TIMM13: variants seen among roughly 807,000 people sequenced by gnomAD.
The protein encoded by TIMM13 is translocase of inner mitochondrial membrane 13.
TIMM13 carries 8 observed loss-of-function variants against 10.9 expected under a neutral mutation model. That is an observed-to-expected ratio of 0.73 (90% confidence interval 0.43 to 1.32). TIMM13 has a LOEUF of 1.32. Among genes scored for constraint, TIMM13 ranks in the 40% most tolerant of loss-of-function variants. The pLI is 0.01. For synonymous variants in TIMM13, 68 were observed against 52.5 expected (o/e 1.30, Z -1.28); for missense variants, 147 against 132.8 (o/e 1.11, Z -0.53).
chr19:2,426,107 G>T lies in TIMM13; in HGVS notation c.*841C>A. 2.6e-6 allele frequency: 4 copies of T among 1,529,364 alleles called. No individual in the cohort carries two copies. The highest frequency in any genetic ancestry group is 3.5e-6 in the Non-Finnish European group (4 of 1,144,042). The allele number at this position is 1,529,364 out of a possible 1,614,324, so 94.7% of individuals were successfully genotyped here. On this transcript the variant is annotated 3_prime_UTR_variant, in exon 3 of 3. Coordinates refer to ENST00000215570, the MANE Select transcript of TIMM13 (RefSeq NM_012458.4). ...GGAGTGACCACCACGTGACTGCCCA[G>T]GCCGAGACTCTACGTGAAAGCAACA...
Position 2,426,444 on chromosome 19 carries a change from C to T in TIMM13, c.*504G>A, listed in dbSNP as rs1971636905. ...CTCGTGACTCAGCAGCCCGGTGGCA[C>T]TAAGGGGAAAGATGGACTTCTCCCA... On this transcript the variant is annotated 3_prime_UTR_variant, in exon 3 of 3. Coordinates refer to ENST00000215570, the MANE Select transcript of TIMM13 (RefSeq NM_012458.4). 3.4e-6 allele frequency: 1 copy of T among 297,874 alleles called. No homozygotes were observed. The highest frequency in any genetic ancestry group is 6.3e-6 in the Non-Finnish European group (1 of 158,616). 18.5% of individuals were successfully genotyped at this position (297,874 alleles called of 1,614,324 possible). A position where few individuals can be genotyped will look rare whatever the true frequency, so the allele number is the denominator to read the frequency against.
rs1479475249 is a variant in TIMM13 at position 2,426,594 on chromosome 19, C to T, written c.*354G>A. 2.8e-5 allele frequency: 11 copies of T among 386,432 alleles called. No homozygotes were observed. Among genetic ancestry groups the T allele is most frequent in the Admixed American group, 2.5e-4 (6 of 23,818 alleles). The allele number at this position is 386,432 out of a possible 1,614,324, so 23.9% of individuals were successfully genotyped here. ...TCCTCCACCAATTTATTTGCCCATC[C>T]GCAGGAGGTGACAGCTCCTGTGGTG... On this transcript the variant is annotated 3_prime_UTR_variant, in exon 3 of 3. Transcript: ENST00000215570.
rs1971606231 is a variant in TIMM13, at chr19:2,425,700, G to T, written c.*1248C>A. ...CCACCGCATCCCATCCCCGGGCCTC[G>T]GCGGCAGAGCAGGCAGAGGCTGCAG... On this transcript the variant is annotated 3_prime_UTR_variant, in exon 3 of 3. Transcript: ENST00000215570. The T allele has an allele frequency of 1.7e-6, 2 of 1,205,932 alleles. No individual in the cohort carries two copies. Among genetic ancestry groups the T allele is most frequent in the Non-Finnish European group, 2.2e-6 (2 of 911,426 alleles). The allele number at this position is 1,205,932 out of a possible 1,614,324, so 74.7% of individuals were successfully genotyped here. A position where few individuals can be genotyped will look rare whatever the true frequency, so the allele number is the denominator to read the frequency against.
Position 2,426,753 on chromosome 19 carries a change from G to A in TIMM13, c.*195C>T, listed in dbSNP as rs1162373412. 6.3e-6 allele frequency: 4 copies of A among 635,792 alleles called. No individual in the cohort carries two copies. The highest frequency in any genetic ancestry group is 1.1e-5 in the Non-Finnish European group (4 of 358,690). The allele number at this position is 635,792 out of a possible 1,614,324, so 39.4% of individuals were successfully genotyped here. On this transcript the variant is annotated 3_prime_UTR_variant, in exon 3 of 3. Transcript: ENST00000215570. ...GCTGCCAGCACTTCAGGAAGGCACA[G>A]GGCCCCACACCCCCGAGATCCAAGC...
At position 2,427,577 on chromosome 19, in the gene TIMM13, G is replaced by C. The variant is rs1568198113; in HGVS notation, c.-44C>G. On this transcript the variant is annotated 5_prime_UTR_variant, in exon 1 of 3. Transcript: ENST00000215570. ...GGACCGAGGCCGCGTGCGCCGACTC[G>C]TAACTAACTGCGCCGGAAGCGGGCC... 1.3e-6 allele frequency: 2 copies of C among 1,555,340 alleles called. No homozygotes were observed. Among genetic ancestry groups the C allele is most frequent in the East Asian group, 2.4e-5 (1 of 41,690 alleles).
chr19:2,427,440 C>A lies in TIMM13; in HGVS notation c.94G>T (p.Val32Leu). 9 of 1,612,824 alleles carry A rather than the reference C, an allele frequency of 5.6e-6. No homozygotes were observed. The highest frequency in any genetic ancestry group is 6.8e-6 in the Non-Finnish European group (8 of 1,179,698). The stretch of plus-strand genomic sequence containing the variant: ...TGCAGCAGCTCCTGCGCGTTGGCCA[C>A]GGCGATCTGCACTTTCACCTGCTCC... ...IMEQVKVQIA[V>L]ANAQELLQRM... The change falls in exon 1 of 3, where the codon GTG (valine) becomes TTG (leucine). Residue 32 changes from valine to leucine, a missense_variant. Val to Leu is a conservative substitution (Grantham distance 32). Transcript: ENST00000215570.
rs375791178 is a variant in TIMM13 at position 2,427,563 on chromosome 19, G to C, written c.-30C>G. The C allele has an allele frequency of 2.5e-6, 4 of 1,570,444 alleles. No individual in the cohort carries two copies. Among genetic ancestry groups the C allele is most frequent in the Non-Finnish European group, 3.4e-6 (4 of 1,159,682 alleles). On this transcript the variant is annotated 5_prime_UTR_variant, in exon 1 of 3. Transcript: ENST00000215570. Reference sequence around the variant, plus strand: ...CCGCAAAGTCAACCGGACCGAGGCCGCGTGCGCCGACTCGTAACTAACTGC... The same window carrying C: ...CCGCAAAGTCAACCGGACCGAGGCCCCGTGCGCCGACTCGTAACTAACTGC...
rs1555682003 is a variant in TIMM13, at chr19:2,426,239, A to AGGTCATGGGGATGCAT, written c.*708_*709insATGCATCCCCATGACC. On this transcript the variant is annotated 3_prime_UTR_variant, in exon 3 of 3. Coordinates refer to ENST00000215570, the MANE Select transcript of TIMM13 (RefSeq NM_012458.4). ...CATTTTGGTACCACCCTTTGTTCCA[A>AGGTCATGGGGATGCAT]TAAACACAGCCCCTCCACCCTAGCT... is the stretch of plus-strand genomic sequence containing the variant. 149 of 864,548 alleles carry AGGTCATGGGGATGCAT rather than the reference A, an allele frequency of 1.7e-4. No individual in the cohort carries two copies. The highest frequency in any genetic ancestry group is 3.3e-4 in the Middle Eastern group (1 of 2,994). 53.6% of individuals were successfully genotyped at this position (864,548 alleles called of 1,614,324 possible).
rs545325386 is a variant in TIMM13 at position 2,425,830 on chromosome 19, G to T, written c.*1118C>A. The T allele has an allele frequency of 1.6e-4, 226 of 1,446,604 alleles. No homozygotes were observed. Among genetic ancestry groups the T allele is most frequent in the Non-Finnish European group, 2.0e-4 (214 of 1,096,836 alleles). The allele number at this position is 1,446,604 out of a possible 1,614,324, so 89.6% of individuals were successfully genotyped here. The stretch of plus-strand genomic sequence containing the variant: ...AGATAGTGAAAATGCGGCTCCCAGG[G>T]GAAGTCACTAGGGTCACTCCTAGAG... On this transcript the variant is annotated 3_prime_UTR_variant, in exon 3 of 3. Transcript: ENST00000215570.
In TIMM13 at chr19:2,426,832, G is replaced by A. The variant is rs954835222; in HGVS notation, c.*116C>T. The A allele has an allele frequency of 5.8e-6, 6 of 1,037,122 alleles. No individual in the cohort carries two copies. The highest frequency in any genetic ancestry group is 8.6e-6 in the Non-Finnish European group (6 of 700,522). 64.2% of individuals were successfully genotyped at this position (1,037,122 alleles called of 1,614,324 possible). A position where few individuals can be genotyped will look rare whatever the true frequency, so the allele number is the denominator to read the frequency against. On this transcript the variant is annotated 3_prime_UTR_variant, in exon 3 of 3. Transcript: ENST00000215570. ...GGGTGGCGAGGACACAGTCCCGTGT[G>A]TCCCAGCACCGGTGCCACCCTCCTA... is the stretch of plus-strand genomic sequence containing the variant.
rs2145431249 is a variant in TIMM13, at chr19:2,425,654, C to T, written c.*1294G>A. On this transcript the variant is annotated 3_prime_UTR_variant, in exon 3 of 3. Coordinates refer to ENST00000215570, the MANE Select transcript of TIMM13 (RefSeq NM_012458.4). ...TTTGGCTCTGGAGGAATTTCCACTC[C>T]ACAGCCGTTTATTGGGCAACCCACC... 1 of 1,344,764 alleles carries T rather than the reference C, an allele frequency of 7.4e-7. No individual in the cohort carries two copies. The highest frequency in any genetic ancestry group is 1.5e-5 in the African/African-American group (1 of 65,718). The allele number at this position is 1,344,764 out of a possible 1,614,324, so 83.3% of individuals were successfully genotyped here.
chr19:2,426,067 A>G lies in TIMM13; in HGVS notation c.*881T>C. ...GGGTGGCAGCTGTGAGAGGCTGGAT[A>G]GGACAGCACATCCAGGAGTGACCAC... On this transcript the variant is annotated 3_prime_UTR_variant, in exon 3 of 3. Coordinates refer to ENST00000215570, the MANE Select transcript of TIMM13 (RefSeq NM_012458.4). 14 of 1,608,634 alleles carry G rather than the reference A, an allele frequency of 8.7e-6. No homozygotes were observed. Among genetic ancestry groups the G allele is most frequent in the Non-Finnish European group, 1.2e-5 (14 of 1,178,212 alleles).
At position 2,427,248 on chromosome 19, in the gene TIMM13, G is replaced by T. The variant is rs747149699; in HGVS notation, c.189+8C>A. ...GCGACCCTTGCCCCGAACCTCCGCG[G>T]GTCTCACCTGCTCGGAGTTGTCCAG... On this transcript the variant is annotated splice_region_variant and intron_variant, in intron 2 of 2. Transcript: ENST00000215570. The T allele has an allele frequency of 6.2e-7, 1 of 1,612,918 alleles. No individual in the cohort carries two copies. Among genetic ancestry groups the T allele is most frequent in the East Asian group, 2.2e-5 (1 of 44,868 alleles).
Position 2,426,101 on chromosome 19 carries a change from T to A in TIMM13, c.*847A>T. ...CATCCAGGAGTGACCACCACGTGAC[T>A]GCCCAGGCCGAGACTCTACGTGAAA... On this transcript the variant is annotated 3_prime_UTR_variant, in exon 3 of 3. Coordinates refer to ENST00000215570, the MANE Select transcript of TIMM13 (RefSeq NM_012458.4). 1.3e-6 allele frequency: 2 copies of A among 1,537,698 alleles called. No individual in the cohort carries two copies. The highest frequency in any genetic ancestry group is 1.7e-4 in the Middle Eastern group (1 of 5,740).
intron 2 of TIMM13, 75 bp downstream of exon 2, chr19:2,427,181 C>A (rs990608453): frequency 6.3e-7 from 1 of 1,585,774 alleles, no homozygotes; most frequent in African/African-American, 1.4e-5. Context: ...CCCCGTTAGT[C>A]TGCGCACGCG....
rs575527947 is a variant in TIMM13, at chr19:2,426,249, C to T, written c.*699G>A. On this transcript the variant is annotated 3_prime_UTR_variant, in exon 3 of 3. Transcript: ENST00000215570. ...CCACCCTTTGTTCCAATAAACACAGCCCCTCCACCCTAGCTCACTGGCTCA... is the reference window on the plus strand; with the variant it reads ...CCACCCTTTGTTCCAATAAACACAGTCCCTCCACCCTAGCTCACTGGCTCA... 3.4e-5 allele frequency: 13 copies of T among 379,722 alleles called. No homozygotes were observed. Among genetic ancestry groups the T allele is most frequent in the South Asian group, 1.3e-4 (3 of 23,604 alleles). The allele number at this position is 379,722 out of a possible 1,614,324, so 23.5% of individuals were successfully genotyped here.
In TIMM13 at chr19:2,426,889, C is replaced by A; in HGVS notation, c.*59G>T. 1 of 1,513,142 alleles carries A rather than the reference C, an allele frequency of 6.6e-7. No individual in the cohort carries two copies. Among genetic ancestry groups the A allele is most frequent in the African/African-American group, 1.4e-5 (1 of 72,516 alleles). The allele number at this position is 1,513,142 out of a possible 1,614,324, so 93.7% of individuals were successfully genotyped here. ...GGGCAGGCAGTACGTACATGCGGAC[C>A]CCGCCTCTCAAAGCACGTTTATGGA... On this transcript the variant is annotated 3_prime_UTR_variant, in exon 3 of 3. Coordinates refer to ENST00000215570, the MANE Select transcript of TIMM13 (RefSeq NM_012458.4).
At position 2,425,737 on chromosome 19, in the gene TIMM13, G is replaced by C; in HGVS notation, c.*1211C>G. On this transcript the variant is annotated 3_prime_UTR_variant, in exon 3 of 3. Transcript: ENST00000215570. ...GGCAGAGGCTGCAGTGGGAGGCACC[G>C]TTCCACTCCGGGACCACGTGGCGGG... 8.8e-7 allele frequency: 1 copy of C among 1,137,200 alleles called. No homozygotes were observed. Among genetic ancestry groups the C allele is most frequent in the African/African-American group, 1.6e-5 (1 of 62,738 alleles). 70.4% of individuals were successfully genotyped at this position (1,137,200 alleles called of 1,614,324 possible). A position where few individuals can be genotyped will look rare whatever the true frequency, so the allele number is the denominator to read the frequency against.
Position 2,427,572 on chromosome 19 carries a change from G to C in TIMM13, c.-39C>G. ...CAACCGGACCGAGGCCGCGTGCGCCGACTCGTAACTAACTGCGCCGGAAGC... is the reference window on the plus strand; with the variant it reads ...CAACCGGACCGAGGCCGCGTGCGCCCACTCGTAACTAACTGCGCCGGAAGC... On this transcript the variant is annotated 5_prime_UTR_variant, in exon 1 of 3. Coordinates refer to ENST00000215570, the MANE Select transcript of TIMM13 (RefSeq NM_012458.4). The C allele has an allele frequency of 6.4e-7, 1 of 1,561,426 alleles. No homozygotes were observed. The highest frequency in any genetic ancestry group is 1.2e-5 in the South Asian group (1 of 86,454).
Sources: gnomAD v4.1 joint callset for allele counts on GRCh38, gnomAD v4.1.1 for gene constraint, MANE v1.5 for transcripts, NCBI Gene and HGNC (gene_info 2026-07-23, HGNC 2026-07-21) for gene names.